The following MAPT variants were observed in gnomAD, a reference collection of about 807,000 sequenced individuals.
The protein encoded by MAPT is microtubule-associated protein tau.
In MAPT, 34 loss-of-function variants were observed where a neutral mutation model predicts 67.9. The ratio of observed to expected loss-of-function variants is 0.50; its 90% CI spans 0.38 to 0.67. The LOEUF (loss-of-function observed/expected upper bound fraction) is 0.67, where lower values mean the gene tolerates loss of function less well. Among genes scored for constraint, MAPT ranks in the 30% least tolerant of loss-of-function variants. The pLI is 0.00. For synonymous variants in MAPT, 456 were observed against 464.5 expected (o/e 0.98, Z 0.23); for missense variants, 881 against 1,115.2 (o/e 0.79, Z 2.99).
intron 1 of MAPT, among the ~76,000 whole-genome samples, chr17:45,956,011 C>G (rs2069610637): frequency 1.3e-5 from 2 of 152,220 alleles, no homozygotes; most frequent in South Asian, 4.1e-4. Flanking sequence ...GCTGGGATTA[C>G]AGGTGTGAGC....
rs200099007 is a variant in MAPT at position 45,990,037 on chromosome 17, C to T, written c.1567C>T (p.Arg523Ter). 4.2e-5 allele frequency: 67 copies of T among 1,614,036 alleles called. No individual in the cohort carries two copies. Among genetic ancestry groups the T allele is most frequent in the Non-Finnish European group, 4.2e-5 (49 of 1,180,042 alleles). The change falls in exon 7 of 13, where the codon CGA becomes TGA. Residue 523 changes from arginine to a stop codon, truncating the protein, a stop_gained. Transcript: ENST00000262410. LOFTEE classifies it high-confidence loss of function. The part of the protein sequence containing the change: ...SPKYVSSVTS[R>*]TGSSGAKEMK... The stretch of plus-strand genomic sequence containing the variant: ...TAAATACGTCTCTTCTGTCACTTCC[C>T]GAACTGGCAGTTCTGGAGCAAAGGA...
intron 1 of MAPT, among the ~76,000 whole-genome samples, chr17:45,909,073 GCAGAGTGCGGGCA>G (rs2064547844): frequency 6.6e-6 from 1 of 152,340 alleles, no homozygotes; most frequent in African/African-American, 2.4e-5. Flanking sequence ...AGCGGGAGCT[GCAGAGTGCGGGCA>G]CCTTGGCACA....
chr17:46,022,233 T>C (rs936327897), intron 12 of MAPT, among the ~76,000 whole-genome samples: 6 of 151,458 alleles, frequency 4.0e-5, no homozygotes, highest in African/African-American at 1.5e-4. Context: ...CACACACCTG[T>C]AGTCCCAGCT....
chr17:45,945,824 A>T (rs745719248), intron 1 of MAPT, among the ~76,000 whole-genome samples: 38 of 152,192 alleles, frequency 2.5e-4, no homozygotes, highest in Non-Finnish European at 5.0e-4. Context: ...AAAAAAAAGA[A>T]AAAAAGACAA....
At chr17:45,946,615 A>AAAAATATATAT in intron 1 of MAPT, among the ~76,000 whole-genome samples, 85 of 100,362 alleles carry the variant, frequency 8.5e-4, no homozygotes, top group African/African-American at 3.5e-3. Flanking sequence ...AAAAAAAAAA[A>AAAAATATATAT]ATATATATAT....
chr17:45,956,583 TATATATATA>T (rs1568230878), intron 1 of MAPT, among the ~76,000 whole-genome samples: 17 of 26,218 alleles, frequency 6.5e-4, no homozygotes, highest in African/African-American at 1.7e-3. Context: ...TATATATATA[TATATATATA>T]TATATATATT....
At chr17:45,977,862 A>C (rs1186642055) in intron 3 of MAPT, 1 of 162,910 alleles carries the variant, frequency 6.1e-6, no homozygotes, top group African/African-American at 2.4e-5. Flanking sequence ...ATCCTTCTAC[A>C]AGACAAACTA....
intron 5 of MAPT, among the ~76,000 whole-genome samples, chr17:45,984,977 CTT>C (rs2073389649): frequency 6.6e-6 from 1 of 152,200 alleles, no homozygotes; most frequent in African/African-American, 2.4e-5. Context: ...TTAGGGAAAA[CTT>C]TGAAATGCTA....
At chr17:45,994,440 C>T (rs538362782) in intron 8 of MAPT, among the ~76,000 whole-genome samples, 2 of 152,262 alleles carry the variant, frequency 1.3e-5, no homozygotes, top group South Asian at 2.1e-4. Context: ...CCCTGGAGGC[C>T]GAGGCCCCAT....
intron 1 of MAPT, among the ~76,000 whole-genome samples, chr17:45,914,119 C>T (rs1201919507): frequency 6.6e-6 from 1 of 150,648 alleles, no homozygotes; most frequent in African/African-American, 2.4e-5. Flanking sequence ...ACTGCTGATT[C>T]CATCCAGGCA....
intron 10 of MAPT, among the ~76,000 whole-genome samples, chr17:46,012,349 C>T (rs733968): frequency 0.14 from 21,719 of 151,886 alleles, 2,087 homozygotes; most frequent in Non-Finnish European, 0.22. Context: ...GCCTGTGACC[C>T]GCGCTGTGCT....
chr17:45,904,045 A>T (rs1337403912), intron 1 of MAPT, among the ~76,000 whole-genome samples: 4 of 15,092 alleles, frequency 2.7e-4, no homozygotes, highest in Admixed American at 2.6e-3. Flanking sequence ...TTATATATTT[A>T]TATATATTAT....
In MAPT at chr17:45,894,580, G is replaced by C. The variant is rs1265138987; in HGVS notation, c.-124G>C. 1 of 154,254 alleles carries C rather than the reference G, an allele frequency of 6.5e-6. No individual in the cohort carries two copies. The highest frequency in any genetic ancestry group is 1.4e-5 in the Non-Finnish European group (1 of 69,630). The allele number at this position is 154,254 out of a possible 1,614,324, so 9.6% of individuals were successfully genotyped here. A position where few individuals can be genotyped will look rare whatever the true frequency, so the allele number is the denominator to read the frequency against. ...CAGTCACCGCCACCCACCAGCTCCG[G>C]CACCAACAGCAGCGCCGCTGCCACC... On this transcript the variant is annotated 5_prime_UTR_variant, in exon 1 of 13. Coordinates refer to ENST00000262410, the MANE Select transcript of MAPT (RefSeq NM_001377265.1).
chr17:46,024,238 T>C lies in MAPT; in HGVS notation c.*67T>C. 7.1e-7 allele frequency: 1 copy of C among 1,415,676 alleles called. No individual in the cohort carries two copies. The highest frequency in any genetic ancestry group is 9.8e-7 in the Non-Finnish European group (1 of 1,016,306). The allele number at this position is 1,415,676 out of a possible 1,614,324, so 87.7% of individuals were successfully genotyped here. ...TGAGAGAGTGTGGAAAAAAAAAGAATAATGACCCGGCCCCCGCCCTCTGCC... is the reference window on the plus strand; with the variant it reads ...TGAGAGAGTGTGGAAAAAAAAAGAACAATGACCCGGCCCCCGCCCTCTGCC... On this transcript the variant is annotated 3_prime_UTR_variant, in exon 13 of 13. Transcript: ENST00000262410.
intron 1 of MAPT, among the ~76,000 whole-genome samples, chr17:45,925,712 C>T (rs943584857): frequency 5.9e-5 from 9 of 152,140 alleles, no homozygotes; most frequent in African/African-American, 2.2e-4. Flanking sequence ...CATAAAAGAG[C>T]ATGAGAACTG....
At position 45,915,181 on chromosome 17, in the gene MAPT, T is replaced by C. The variant is rs1277155051; in HGVS notation, c.-18+20495T>C. Among the ~76,000 whole-genome samples, 1 of 152,072 alleles carries C rather than the reference T, an allele frequency of 6.6e-6. No individual in the cohort carries two copies. Among genetic ancestry groups the C allele is most frequent in the African/African-American group, 2.4e-5 (1 of 41,390 alleles). ...CAAAAGCTCTGATCTGGCCTAACCC[T>C]GTCATGTTAGAGACTGGAGTGCGTG... On this transcript the variant is annotated intron_variant, in intron 1 of 12. Coordinates refer to ENST00000262410, the MANE Select transcript of MAPT (RefSeq NM_001377265.1). The surrounding 1 kb of genome is among the most constrained non-coding windows in gnomAD (Gnocchi z 4.4).
chr17:45,937,512 G>A (rs2067443905), intron 1 of MAPT, among the ~76,000 whole-genome samples: 1 of 151,356 alleles, frequency 6.6e-6, no homozygotes, highest in Non-Finnish European at 1.5e-5. Context: ...GATTGCTTGA[G>A]CCCAAGAGTT....
intron 5 of MAPT, chr17:45,985,583 T>A: frequency 1.9e-6 from 1 of 535,396 alleles, no homozygotes; most frequent in Non-Finnish European, 2.4e-6. Flanking sequence ...AATGTACTAA[T>A]GGCCATTGTG....
rs16940761 is a variant in MAPT at position 45,968,694 on chromosome 17, C to T, written c.134-3165C>T. 6.4e-3 allele frequency among the ~76,000 whole-genome samples: 977 copies of T among 152,302 alleles called. 16 individuals carry two copies. The highest frequency in any genetic ancestry group is 0.022 in the African/African-American group (921 of 41,564). On this transcript the variant is annotated intron_variant, in intron 2 of 12. Coordinates refer to ENST00000262410, the MANE Select transcript of MAPT (RefSeq NM_001377265.1). ...GGCCCTCCAGGATTCCCAGTCAATT[C>T]CATATCTGCATCACCACCATTGGCA...
Sources: gnomAD v4.1 joint callset for allele counts (sites outside exome capture counted in the v4.1 genomes callset) on GRCh38, gnomAD v4.1.1 for gene constraint, Gnocchi (gnomAD v3.1) non-coding constraint, MANE v1.5 for transcripts, NCBI Gene and HGNC (gene_info 2026-07-23, HGNC 2026-07-21) for gene names.